The following APBB2 variants were observed in gnomAD, a reference collection of about 807,000 sequenced individuals.
APBB2 encodes amyloid beta precursor protein binding family B member 2, also known as Fe65-like 1.
APBB2 carries 38 observed loss-of-function variants against 82.5 expected under a neutral mutation model. That is an observed-to-expected ratio of 0.46 (90% CI 0.36 to 0.60). APBB2 has a LOEUF of 0.60. Among genes scored for constraint, APBB2 ranks in the 20% least tolerant of loss-of-function variants. The pLI, the probability that APBB2 is intolerant of heterozygous loss-of-function variation, is 0.00. For synonymous variants in APBB2, 341 were observed against 368.2 expected (o/e 0.93, Z 0.85); for missense variants, 772 against 972.3 (o/e 0.79, Z 2.74).
At chr4:40,894,232 G>C (rs1772992847) in intron 10 of APBB2, among the ~76,000 whole-genome samples, 1 of 151,704 alleles carries the variant, frequency 6.6e-6, no homozygotes. Flanking sequence ...AGCTTGCAGT[G>C]AGCCGAGATC....
At chr4:40,896,571 A>C (rs915449683) in intron 10 of APBB2, among the ~76,000 whole-genome samples, 2 of 152,230 alleles carry the variant, frequency 1.3e-5, no homozygotes. Context: ...AAAATAAAAA[A>C]CACTTGAACA....
chr4:40,968,279 T>A (rs1010992973), intron 6 of APBB2, among the ~76,000 whole-genome samples: 5 of 152,144 alleles, frequency 3.3e-5, no homozygotes, highest in African/African-American at 1.2e-4. Flanking sequence ...TATTAGTCAA[T>A]ATATAAAATT....
intron 10 of APBB2, among the ~76,000 whole-genome samples, chr4:40,907,379 A>ATATATTT (rs1491382228): frequency 5.3e-5 from 2 of 37,396 alleles, no homozygotes; most frequent in African/African-American, 2.5e-4. Flanking sequence ...ATATATATAT[A>ATATATTT]TTTTTTTTTT....
intron 1 of APBB2, among the ~76,000 whole-genome samples, chr4:41,155,586 A>C (rs1185412937): frequency 1.1e-4 from 16 of 152,246 alleles, no homozygotes; most frequent in Non-Finnish European, 5.9e-5. Flanking sequence ...AATAAGAGAG[A>C]ATCCGAAAGA....
At chr4:41,138,885 C>T (rs1430103351) in intron 2 of APBB2, among the ~76,000 whole-genome samples, 3 of 152,112 alleles carry the variant, frequency 2.0e-5, no homozygotes, top group Admixed American at 6.5e-5. Flanking sequence ...AGGTTCAACA[C>T]GGTTGCAGGA....
intron 10 of APBB2, among the ~76,000 whole-genome samples, chr4:40,898,513 C>T (rs1372601255): frequency 6.6e-6 from 1 of 152,118 alleles, no homozygotes; most frequent in Non-Finnish European, 1.5e-5. Flanking sequence ...GATCCACCCA[C>T]CTTGGCCTCC....
chr4:41,125,262 C>T (rs1249786999), intron 2 of APBB2, among the ~76,000 whole-genome samples: 1 of 152,172 alleles, frequency 6.6e-6, no homozygotes, highest in Non-Finnish European at 1.5e-5. Flanking sequence ...TCTTACATAA[C>T]AGCAATATGT....
intron 2 of APBB2, among the ~76,000 whole-genome samples, chr4:41,104,830 T>C (rs1488385169): frequency 6.6e-6 from 1 of 152,206 alleles, no homozygotes; most frequent in Non-Finnish European, 1.5e-5. Context: ...AGGACGTGAT[T>C]TAGTTCTTTT....
chr4:40,834,447 ATTGAT>A (rs1481519656), intron 12 of APBB2, among the ~76,000 whole-genome samples: 1 of 152,222 alleles, frequency 6.6e-6, no homozygotes, highest in Non-Finnish European at 1.5e-5. Context: ...ATCGAATTTC[ATTGAT>A]TTAAGACGAA....
chr4:41,187,011 G>C (rs755449751), intron 1 of APBB2, among the ~76,000 whole-genome samples: 1 of 152,138 alleles, frequency 6.6e-6, no homozygotes, highest in Non-Finnish European at 1.5e-5. Context: ...CACACATATA[G>C]GAATCATCAA....
intron 10 of APBB2, among the ~76,000 whole-genome samples, chr4:40,924,385 C>A (rs745389526): frequency 6.6e-6 from 1 of 152,198 alleles, no homozygotes; most frequent in Non-Finnish European, 1.5e-5. Context: ...TAAAACCTCC[C>A]GTCCTATGCG....
intron 1 of APBB2, among the ~76,000 whole-genome samples, chr4:41,195,130 G>T: frequency 2.0e-5 from 3 of 152,002 alleles, no homozygotes; most frequent in Non-Finnish European, 4.4e-5. Flanking sequence ...CCCTCCCTGG[G>T]TGACCGTTAT....
chr4:41,206,205 A>G (rs1367413022), intron 1 of APBB2, among the ~76,000 whole-genome samples: 1 of 152,204 alleles, frequency 6.6e-6, no homozygotes, highest in Non-Finnish European at 1.5e-5. Flanking sequence ...TGAGTTAAGG[A>G]AAGATGACAA....
At chr4:40,945,306 G>C (rs1011243979) in intron 6 of APBB2, among the ~76,000 whole-genome samples, 1 of 152,098 alleles carries the variant, frequency 6.6e-6, no homozygotes, top group African/African-American at 2.4e-5. Flanking sequence ...CCTGAGAACA[G>C]GGACACAAAA....
intron 5 of APBB2, among the ~76,000 whole-genome samples, chr4:41,017,778 A>G (rs1049115246): frequency 1.3e-5 from 2 of 152,218 alleles, no homozygotes; most frequent in Non-Finnish European, 1.5e-5. Context: ...GCAGAGACAC[A>G]CAGAGAGGAA....
chr4:40,911,891 C>T (rs977396755), intron 10 of APBB2, among the ~76,000 whole-genome samples: 6 of 152,114 alleles, frequency 3.9e-5, no homozygotes, highest in Admixed American at 1.3e-4. Context: ...CACCTCCCTC[C>T]TCCCTCTGCC....
chr4:41,202,648 T>C (rs866603361), intron 1 of APBB2, among the ~76,000 whole-genome samples: 5 of 152,236 alleles, frequency 3.3e-5, no homozygotes, highest in African/African-American at 1.2e-4. Context: ...TCACATTGCG[T>C]TGTTTAACTT....
chr4:40,889,849 G>C (rs1042453405), intron 12 of APBB2, among the ~76,000 whole-genome samples: 1 of 152,180 alleles, frequency 6.6e-6, no homozygotes, highest in East Asian at 1.9e-4. Context: ...CCTTTCAAGT[G>C]TTAAAAAAGT....
chr4:41,159,920 AGGAGG>A, intron 1 of APBB2, among the ~76,000 whole-genome samples: 1 of 16,864 alleles, frequency 5.9e-5, no homozygotes, highest in Non-Finnish European at 1.7e-4. Flanking sequence ...GAGGAGGAGG[AGGAGG>A]AGGAGGAGGA....
Sources: allele counts gnomAD v4.1 joint callset (sites outside exome capture counted in the v4.1 genomes callset), GRCh38; gene constraint gnomAD v4.1.1; transcripts MANE v1.5; gene names NCBI Gene and HGNC (gene_info 2026-07-23, HGNC 2026-07-21).